Variants in PKD1 observed in about 807,000 individuals in gnomAD.
PKD1 encodes the protein polycystin-1.
In PKD1, 81 loss-of-function variants were observed where a neutral mutation model predicts 361.7. The ratio of observed to expected loss-of-function variants is 0.22; its 90% CI spans 0.19 to 0.27. PKD1 has a LOEUF of 0.27. Among genes scored for constraint, PKD1 ranks in the 10% least tolerant of loss-of-function variants. The probability of loss-of-function intolerance (pLI) is 1.00; values close to 1 mark genes in which losing one functional copy is unlikely to be tolerated. For synonymous variants in PKD1, 3,615 were observed against 2,818.3 expected (o/e 1.28, Z -8.95); for missense variants, 6,399 against 6,118.3 (o/e 1.05, Z -1.53).
At chr16:2,102,737 C>T (rs1184467659) in intron 24 of PKD1, 77 bp downstream of exon 24, 1 of 1,605,174 alleles carries the variant, frequency 6.2e-7, no homozygotes. Flanking sequence ...CCTGCCGTCC[C>T]CATGGGGCCA....
chr16:2,095,393 A>G (rs2091804395), intron 34 of PKD1: 1 of 152,250 alleles, frequency 6.6e-6, no homozygotes, highest in Non-Finnish European at 1.5e-5. Flanking sequence ...AGTCTGGGCA[A>G]CAGAGACTCC....
chr16:2,098,152 C>T (rs528501255), intron 30 of PKD1, 168 bp from the exon 31 acceptor site: 26 of 609,214 alleles, frequency 4.3e-5, no homozygotes, highest in African/African-American at 1.1e-4. Flanking sequence ...CAGCCCCTCG[C>T]GACGTGTGCC....
intron 12 of PKD1, 83 bp downstream of exon 12, chr16:2,113,078 G>C (rs1252738717): frequency 1.7e-6 from 2 of 1,204,118 alleles, no homozygotes; most frequent in East Asian, 2.4e-5. Context: ...GCATGAAGCA[G>C]AGCAGAAGGC....
In PKD1 at chr16:2,111,434, A is replaced by C; in HGVS notation, c.3733T>G (p.Phe1245Val). ...AGCACGGTGCCGTCCCCCATGTCGA[A>C]GGTCCACGTGATGTTGTCGCCCGTC... is the stretch of plus-strand genomic sequence containing the variant. Reference protein sequence around the residue: ...VQTGDNITWTFDMGDGTVLSG... With the variant: ...VQTGDNITWTVDMGDGTVLSG... Residue 1245 changes from phenylalanine to valine, a missense_variant, in exon 15 of 46, where the codon TTC (phenylalanine) becomes GTC (valine). Coordinates refer to ENST00000262304, the MANE Select transcript of PKD1 (RefSeq NM_001009944.3). The C allele has an allele frequency of 6.2e-7, 1 of 1,611,904 alleles. No individual in the cohort carries two copies. The highest frequency in any genetic ancestry group is 8.5e-7 in the Non-Finnish European group (1 of 1,179,542).
At chr16:2,092,874 C>T (rs2091661859) in intron 38 of PKD1, 80 bp downstream of exon 38, 9 of 1,527,460 alleles carry the variant, frequency 5.9e-6, no homozygotes, top group Admixed American at 1.7e-5. Context: ...CTACACATGT[C>T]CACATGTCCC....
At position 2,120,060 on chromosome 16, in the gene PKD1, A is replaced by T. The variant is rs972628934; in HGVS notation, c.216-682T>A. 17 of 581,616 alleles carry T rather than the reference A, an allele frequency of 2.9e-5. No individual in the cohort carries two copies. The African/African-American group carries it at 3.2e-4, about 11-fold the overall frequency. The allele number at this position is 581,616 out of a possible 1,614,324, so 36.0% of individuals were successfully genotyped here. On this transcript the variant is annotated intron_variant, in intron 1 of 45. Coordinates refer to ENST00000262304, the MANE Select transcript of PKD1 (RefSeq NM_001009944.3). ...GACCCCGTATCTACAAAAAATACAC[A>T]TTAGCCAGGCATGGCGGCATGCGCC...
chr16:2,094,333 A>G (rs2859785), intron 34 of PKD1, 123 bp from the exon 35 acceptor site: 6 of 714,924 alleles, frequency 8.4e-6, no homozygotes, highest in African/African-American at 5.2e-5. Flanking sequence ...CCCGACAAAA[A>G]GCCGGAAGAC....
chr16:2,116,513 G>A lies in PKD1; in HGVS notation c.1722+16C>T, dbSNP rs532118647. ...CAGGCAGGAGGGCAGGTTGTAGAACGTGGGGGGCCGACTACCTCCACGGGC... is the reference window on the plus strand; with the variant it reads ...CAGGCAGGAGGGCAGGTTGTAGAACATGGGGGGCCGACTACCTCCACGGGC... On this transcript the variant is annotated intron_variant, in intron 8 of 45. Coordinates refer to ENST00000262304, the MANE Select transcript of PKD1 (RefSeq NM_001009944.3). 1.4e-5 allele frequency: 20 copies of A among 1,393,110 alleles called. No individual in the cohort carries two copies. Among genetic ancestry groups the A allele is most frequent in the Admixed American group, 7.7e-5 (4 of 51,720 alleles). 86.3% of individuals were successfully genotyped at this position (1,393,110 alleles called of 1,614,324 possible).
intron 9 of PKD1, 55 bp downstream of exon 9, chr16:2,115,937 G>A (rs1453426732): frequency 4.6e-6 from 7 of 1,534,578 alleles, no homozygotes; most frequent in East Asian, 2.4e-5. Context: ...GCTCAGAGAG[G>A]CCACCCCGAG....
rs577350634 is a variant in PKD1 at position 2,100,335 on chromosome 16, G to A, written c.9569-26C>T. On this transcript the variant is annotated intron_variant, in intron 27 of 45. Coordinates refer to ENST00000262304, the MANE Select transcript of PKD1 (RefSeq NM_001009944.3). This position sits in a 1 kb window ranked among gnomAD's most constrained non-coding sequence, Gnocchi z 4.4. ...CTGCAGAGGCGCAGGAGGGAGGTCA[G>A]GCTCGCAGGGCGCCCCAATGCGGGG... 2.5e-6 allele frequency: 4 copies of A among 1,610,386 alleles called. No individual in the cohort carries two copies. Among genetic ancestry groups the A allele is most frequent in the South Asian group, 1.1e-5 (1 of 90,990 alleles).
intron 37 of PKD1, 122 bp from the exon 38 acceptor site, chr16:2,093,215 G>T: frequency 8.2e-7 from 1 of 1,221,810 alleles, no homozygotes; most frequent in Non-Finnish European, 1.2e-6. Flanking sequence ...CTGGCAGGGG[G>T]CGCCCCAAGA....
Position 2,099,941 on chromosome 16 carries a change from G to C in PKD1, c.9843C>G (p.Ala3281=). 1 of 1,562,080 alleles carries C rather than the reference G, an allele frequency of 6.4e-7. No individual in the cohort carries two copies. The highest frequency in any genetic ancestry group is 8.7e-7 in the Non-Finnish European group (1 of 1,154,468). The change falls in exon 29 of 46, where the codon GCC becomes GCG. Residue 3281 remains alanine, a synonymous_variant. Transcript: ENST00000262304. ...PRSRFTRIQR[A]TCCVLLICLF... ...GGCAGATGAGGAGAACGCAGCAGGT[G>C]GCCCTCTGGATGCGAGTGAAACGGC...
intron 8 of PKD1, 115 bp downstream of exon 8, chr16:2,116,414 G>A (rs989949241): frequency 6.1e-6 from 4 of 650,834 alleles, no homozygotes; most frequent in Non-Finnish European, 1.1e-5. Flanking sequence ...TCTTCACTGG[G>A]CACAAGCAAC....
chr16:2,132,310 C>T (rs1351812973), intron 1 of PKD1, among the ~76,000 whole-genome samples: 1 of 151,470 alleles, frequency 6.6e-6, no homozygotes, highest in Admixed American at 6.6e-5. Context: ...TGGCTCACGC[C>T]TGTAATCCCA....
Position 2,097,495 on chromosome 16 carries a change from C to G in PKD1, c.10229G>C (p.Cys3410Ser), listed in dbSNP as rs769539998. The G allele has an allele frequency of 2.5e-6, 4 of 1,601,930 alleles. No homozygotes were observed. In the East Asian group the frequency reaches 8.9e-5, roughly 36 times the overall value. ...GAGCGTTCCCTCGCCGGAGGGCCAGCACACCAGACTGCAGGTGGCGCGGGT... is the reference window on the plus strand; with the variant it reads ...GAGCGTTCCCTCGCCGGAGGGCCAGGACACCAGACTGCAGGTGGCGCGGGT... ...LFLDDSKSLV[C>S]WPSGEGTLSW... Residue 3410 changes from cysteine to serine, a missense_variant, in exon 33 of 46, where the codon TGC (cysteine) becomes TCC (serine). Coordinates refer to ENST00000262304, the MANE Select transcript of PKD1 (RefSeq NM_001009944.3).
Position 2,103,790 on chromosome 16 carries a change from G to A in PKD1, c.8267C>T (p.Thr2756Ile), listed in dbSNP as rs141296093. 345 of 1,609,710 alleles carry A rather than the reference G, an allele frequency of 2.1e-4. No homozygotes were observed. Among genetic ancestry groups the A allele is most frequent in the East Asian group, 4.7e-4 (21 of 44,684 alleles). The change falls in exon 23 of 46, where the codon ACC becomes ATC. Residue 2756 changes from threonine (T) to isoleucine (I), a missense_variant. By Grantham distance (89) the Thr-to-Ile change is moderately conservative (BLOSUM62 -1). Coordinates refer to ENST00000262304, the MANE Select transcript of PKD1 (RefSeq NM_001009944.3). ...RMVASQAYNL[T>I]SALMRILMRS... ...CATGAGGATGCGCATGAGGGCAGAG[G>A]TCAGGTTGTAGGCCTGGGACGCCAC... is the stretch of plus-strand genomic sequence containing the variant.
chr16:2,115,044 C>A (rs1402210495), intron 10 of PKD1, 119 bp from the exon 11 acceptor site: 1 of 1,505,730 alleles, frequency 6.6e-7, no homozygotes, highest in Non-Finnish European at 8.8e-7. Flanking sequence ...CCTCAAGGAG[C>A]CTCCCCACAG....
intron 39 of PKD1, 41 bp downstream of exon 39, chr16:2,092,439 G>C (rs771477545): frequency 2.2e-5 from 30 of 1,360,004 alleles, no homozygotes; most frequent in Non-Finnish European, 2.9e-5. Flanking sequence ...CTCTCAACAA[G>C]AGGAACGATT....
intron 1 of PKD1, among the ~76,000 whole-genome samples, chr16:2,123,264 G>T (rs977115743): frequency 6.6e-6 from 1 of 152,090 alleles, no homozygotes; most frequent in Non-Finnish European, 1.5e-5. Context: ...GCTCGGCCGA[G>T]CTCCCAGGGC....
Sources: gnomAD v4.1 joint callset for allele counts (sites outside exome capture counted in the v4.1 genomes callset) on GRCh38, gnomAD v4.1.1 for gene constraint, Gnocchi (gnomAD v3.1) non-coding constraint, MANE v1.5 for transcripts, NCBI Gene and HGNC (gene_info 2026-07-23, HGNC 2026-07-21) for gene names.